SUCLG2: variants seen among roughly 807,000 people sequenced by gnomAD.
The protein encoded by SUCLG2 is succinate-CoA ligase GDP-forming subunit beta, also known as succinate--CoA ligase [GDP-forming] subunit beta, mitochondrial.
Under a neutral mutation model 47.9 loss-of-function variants are expected in SUCLG2, and 42 were observed. The ratio of observed to expected loss-of-function variants is 0.88; its 90% CI spans 0.69 to 1.14. The LOEUF (loss-of-function observed/expected upper bound fraction) is 1.14, where lower values mean the gene tolerates loss of function less well. Among genes scored for constraint, SUCLG2 ranks in the 50% most tolerant of loss-of-function variants. The pLI, the probability that SUCLG2 is intolerant of heterozygous loss-of-function variation, is 0.00. For missense variants in SUCLG2, 571 were observed against 525.9 expected, an observed-to-expected ratio of 1.09 and a Z score of -0.84; for synonymous variants, 195 against 197.3, an observed-to-expected ratio of 0.99 and a Z score of 0.10.
At chr3:67,409,357 G>C (rs1286334452) in intron 9 of SUCLG2, among the ~76,000 whole-genome samples, 1 of 151,982 alleles carries the variant, frequency 6.6e-6, no homozygotes, top group Admixed American at 6.6e-5. Flanking sequence ...TGAAATTATG[G>C]CCATAAAAAT....
chr3:67,520,134 T>C (rs1706054731), intron 5 of SUCLG2, among the ~76,000 whole-genome samples: 1 of 152,188 alleles, frequency 6.6e-6, no homozygotes, highest in East Asian at 1.9e-4. Context: ...TCATATATAA[T>C]ATTAAATGAA....
chr3:67,467,521 G>A (rs1704503678), intron 9 of SUCLG2, among the ~76,000 whole-genome samples: 1 of 152,140 alleles, frequency 6.6e-6, no homozygotes, highest in Admixed American at 6.5e-5. Flanking sequence ...GTAAAAGAAT[G>A]ATGTCTTTGG....
chr3:67,540,195 G>A (rs1559563795), intron 2 of SUCLG2, among the ~76,000 whole-genome samples: 1 of 151,662 alleles, frequency 6.6e-6, no homozygotes, highest in African/African-American at 2.4e-5. Context: ...TGGGCATTTA[G>A]TGCTATAAAT....
In SUCLG2 at chr3:67,654,503, C is replaced by T; in HGVS notation, c.84G>A (p.Gln28=). Residue 28 remains glutamine, a splice_region_variant and synonymous_variant, in exon 1 of 11, where the codon CAG becomes CAA. Transcript: ENST00000307227. ...CCGCAGCTCCTGCCCCCACGCTCAC[C>T]TGGGACCCGGCCGCCAGGAAGCGGG... ...LRPRFLAAGS[Q]AVQLTSRRWL... The T allele has an allele frequency of 2.4e-6, 3 of 1,239,164 alleles. No homozygotes were observed. Among genetic ancestry groups the T allele is most frequent in the Non-Finnish European group, 3.0e-6 (3 of 990,310 alleles). The allele number at this position is 1,239,164 out of a possible 1,614,324, so 76.8% of individuals were successfully genotyped here. A position where few individuals can be genotyped will look rare whatever the true frequency, so the allele number is the denominator to read the frequency against.
In SUCLG2 at chr3:67,604,046, A is replaced by G. The variant is rs1039611896; in HGVS notation, c.226+5409T>C. ...CAGCAGCAATGAATATTATCCACACATTAAAAACTTAATTCAAACAAATTT... is the reference window on the plus strand; with the variant it reads ...CAGCAGCAATGAATATTATCCACACGTTAAAAACTTAATTCAAACAAATTT... On this transcript the variant is annotated intron_variant, in intron 2 of 10. Transcript: ENST00000307227. Among the ~76,000 whole-genome samples the G allele has an allele frequency of 5.9e-5, 9 of 152,358 alleles. No homozygotes were observed. In the East Asian group the frequency reaches 7.7e-4, roughly 13 times the overall value.
intron 9 of SUCLG2, among the ~76,000 whole-genome samples, chr3:67,466,934 A>G: frequency 6.6e-6 from 1 of 152,226 alleles, no homozygotes; most frequent in East Asian, 1.9e-4. Flanking sequence ...TCTCACATAA[A>G]TCCTTGACTA....
chr3:67,630,738 T>A (rs1700910848), intron 1 of SUCLG2, among the ~76,000 whole-genome samples: 1 of 152,186 alleles, frequency 6.6e-6, no homozygotes, highest in Non-Finnish European at 1.5e-5. Context: ...AGCCTCACAA[T>A]CCTCATTACA....
At chr3:67,577,308 AAAAC>A (rs995168842) in intron 2 of SUCLG2, among the ~76,000 whole-genome samples, 22 of 60,160 alleles carry the variant, frequency 3.7e-4, no homozygotes, top group Admixed American at 4.9e-4. Flanking sequence ...ACTGTCTCAA[AAAAC>A]AAAAAAAAAA....
intron 2 of SUCLG2, among the ~76,000 whole-genome samples, chr3:67,583,589 G>A (rs1707935238): frequency 6.6e-6 from 1 of 152,208 alleles, no homozygotes; most frequent in African/African-American, 2.4e-5. Flanking sequence ...CTGGCAGGAT[G>A]TAACTGGATT....
chr3:67,616,084 A>G (rs1700623214), intron 1 of SUCLG2, among the ~76,000 whole-genome samples: 1 of 151,994 alleles, frequency 6.6e-6, no homozygotes. Flanking sequence ...AACCCTCCAG[A>G]GCCCTATTTG....
At chr3:67,520,130 A>G (rs1306120567) in intron 5 of SUCLG2, among the ~76,000 whole-genome samples, 2 of 152,236 alleles carry the variant, frequency 1.3e-5, no homozygotes, top group Non-Finnish European at 2.9e-5. Context: ...CGGATCATAT[A>G]TAATATTAAA....
chr3:67,615,621 A>AACACACACACACAC lies in SUCLG2; in HGVS notation c.85-6039_85-6026dup, dbSNP rs60992383. Among the ~76,000 whole-genome samples the AACACACACACACAC allele has an allele frequency of 4.1e-3, 581 of 142,144 alleles. 2 individuals are homozygous for AACACACACACACAC. Among genetic ancestry groups the AACACACACACACAC allele is most frequent in the South Asian group, 6.8e-3 (29 of 4,276 alleles). The allele number at this position is 142,144 out of a possible 152,430, so 93.3% of individuals were successfully genotyped here. On this transcript the variant is annotated intron_variant, in intron 1 of 10. Coordinates refer to ENST00000307227, the MANE Select transcript of SUCLG2 (RefSeq NM_003848.4). ...GCCACTGAACACAAACACAAACACA[A>AACACACACACACAC]ACACACACACACACACACACACACA...
intron 1 of SUCLG2, among the ~76,000 whole-genome samples, chr3:67,640,717 CT>C (rs1701087590): frequency 6.6e-6 from 1 of 152,180 alleles, no homozygotes; most frequent in Non-Finnish European, 1.5e-5. Flanking sequence ...GCTATTACTC[CT>C]TTTTTTCTTT....
intron 2 of SUCLG2, among the ~76,000 whole-genome samples, chr3:67,587,545 C>G (rs1708056361): frequency 6.6e-6 from 1 of 152,010 alleles, no homozygotes; most frequent in Admixed American, 6.6e-5. Context: ...TGAGAAGATG[C>G]CAGAAGGACC....
Position 67,654,568 on chromosome 3 carries a change from C to A in SUCLG2, c.19G>T (p.Ala7Ser). Reference sequence around the variant, plus strand: ...GCTCGCAGAAGCTTCCCGGCCTGCGCTGCTACGGGGGACGCCATCTTAAAC... The same window carrying A: ...GCTCGCAGAAGCTTCCCGGCCTGCGATGCTACGGGGGACGCCATCTTAAAC... The part of the protein sequence containing the change: MASPVA[A>S]QAGKLLRALA... The change falls in exon 1 of 11, where the codon GCG (alanine) becomes TCG (serine). Residue 7 changes from alanine (A) to serine (S), a missense_variant. Transcript: ENST00000307227. The A allele has an allele frequency of 7.8e-7, 1 of 1,274,190 alleles. No homozygotes were observed. Among genetic ancestry groups the A allele is most frequent in the Non-Finnish European group, 9.9e-7 (1 of 1,007,456 alleles). 78.9% of individuals were successfully genotyped at this position (1,274,190 alleles called of 1,614,324 possible).
chr3:67,418,401 A>C (rs893968327), intron 9 of SUCLG2, among the ~76,000 whole-genome samples: 2 of 152,190 alleles, frequency 1.3e-5, no homozygotes, highest in African/African-American at 4.8e-5. Flanking sequence ...AGAAAGCTGA[A>C]GTAGTTTGCC....
At chr3:67,395,205 C>A (rs1165736560) in intron 10 of SUCLG2, among the ~76,000 whole-genome samples, 2 of 151,840 alleles carry the variant, frequency 1.3e-5, no homozygotes, top group South Asian at 4.2e-4. Flanking sequence ...ACTAAATGCT[C>A]CAATTAAAAG....
chr3:67,541,894 G>A (rs985277485), intron 2 of SUCLG2, among the ~76,000 whole-genome samples: 5 of 150,992 alleles, frequency 3.3e-5, no homozygotes, highest in Admixed American at 1.3e-4. Context: ...TTGAGACGGA[G>A]TTTTGCTCTT....
intron 2 of SUCLG2, among the ~76,000 whole-genome samples, chr3:67,589,425 A>G (rs1456778062): frequency 3.9e-5 from 6 of 152,214 alleles, no homozygotes; most frequent in African/African-American, 1.4e-4. Flanking sequence ...GAAGGAACAA[A>G]CTGCTTTTCA....
Sources: allele counts gnomAD v4.1 joint callset (sites outside exome capture counted in the v4.1 genomes callset), GRCh38; gene constraint gnomAD v4.1.1; transcripts MANE v1.5; gene names NCBI Gene and HGNC (gene_info 2026-07-23, HGNC 2026-07-21).